KLC1: variants seen among roughly 807,000 people sequenced by gnomAD.
The protein encoded by KLC1 is kinesin light chain 1, also known as kinesin 2 60/70kDa.
A neutral mutation model predicts 84.2 loss-of-function variants in KLC1; 30 were observed. That is an observed-to-expected ratio of 0.36 (90% CI 0.27 to 0.48). KLC1 has a LOEUF of 0.48. KLC1 is among the 20% of genes least tolerant of loss of function. KLC1 has a pLI of 0.99. For synonymous variants in KLC1, 289 were observed against 293.3 expected (o/e 0.99, Z 0.15); for missense variants, 499 against 805.4 (o/e 0.62, Z 4.60).
chr14:103,642,713 C>T (rs2077583028), intron 1 of KLC1, among the ~76,000 whole-genome samples: 1 of 150,734 alleles, frequency 6.6e-6, no homozygotes, highest in Admixed American at 6.6e-5. Flanking sequence ...CTCCCATTGA[C>T]AAAAGCTGGA....
rs746409736 is a variant in KLC1 at position 103,679,521 on chromosome 14, G to C, written c.1626G>C (p.Val542=). 6.2e-7 allele frequency: 1 copy of C among 1,613,996 alleles called. No homozygotes were observed. Among genetic ancestry groups the C allele is most frequent in the Non-Finnish European group, 8.5e-7 (1 of 1,179,862 alleles). Residue 542 remains valine (V), a synonymous_variant, in exon 13 of 17, where the codon GTG becomes GTC. Transcript: ENST00000334553. ...YESGPDGGEE[V]SMSVEWNGDG... ...GTGGCCCTGACGGAGGGGAGGAAGT[G>C]AGTATGAGCGTAGAGTGGAACGGGG...
In KLC1 at chr14:103,679,543, G is replaced by A. The variant is rs772949267; in HGVS notation, c.1648G>A (p.Gly550Arg). The stretch of plus-strand genomic sequence containing the variant: ...AGTGAGTATGAGCGTAGAGTGGAAC[G>A]GGGTAAGTACAGTACACAGCGGGCA... ...EEVSMSVEWN[G>R]DGTGSLKRSG... The change falls in exon 13 of 17, where the codon GGG (glycine) becomes AGG (arginine). Residue 550 changes from glycine to arginine, a missense_variant and splice_region_variant. Physicochemically the swap from Gly to Arg is moderately radical, Grantham distance 125 (BLOSUM62 -2). Transcript: ENST00000334553. The A allele has an allele frequency of 5.0e-6, 8 of 1,612,996 alleles. No homozygotes were observed. Among genetic ancestry groups the A allele is most frequent in the South Asian group, 2.2e-5 (2 of 91,054 alleles).
At position 103,694,535 on chromosome 14, in the gene KLC1, G is replaced by A. The variant is rs1370620652; in HGVS notation, c.1848+2110G>A. On this transcript the variant is annotated intron_variant, in intron 15 of 16. Coordinates refer to ENST00000334553, the MANE Select transcript of KLC1 (RefSeq NM_001394837.1). This position sits in a 1 kb window ranked among gnomAD's most constrained non-coding sequence, Gnocchi z 4.5. The stretch of plus-strand genomic sequence containing the variant: ...GGAACCTTTTCAAATCAATGCTGAG[G>A]CTGTATTTCTTAGCCGTCCACAAAC... The A allele has an allele frequency of 2.0e-6, 2 of 985,344 alleles. No homozygotes were observed. The highest frequency in any genetic ancestry group is 1.7e-5 in the African/African-American group (1 of 57,240). 61.0% of individuals were successfully genotyped at this position (985,344 alleles called of 1,614,324 possible). A position where few individuals can be genotyped will look rare whatever the true frequency, so the allele number is the denominator to read the frequency against.
chr14:103,631,106 AGT>A (rs1187990437), intron 1 of KLC1, among the ~76,000 whole-genome samples: 1 of 149,616 alleles, frequency 6.7e-6, no homozygotes, highest in Non-Finnish European at 1.5e-5. Context: ...TTTGAGATGG[AGT>A]CTCGCTCTGT....
At chr14:103,657,446 G>C in intron 2 of KLC1, 100 bp from the exon 3 acceptor site, 4 of 798,364 alleles carry the variant, frequency 5.0e-6, no homozygotes, top group Non-Finnish European at 8.2e-6. Flanking sequence ...AAATATCTGC[G>C]AGTGTAAGCT....
At chr14:103,646,493 A>G (rs1042947762) in intron 1 of KLC1, among the ~76,000 whole-genome samples, 1 of 152,214 alleles carries the variant, frequency 6.6e-6, no homozygotes, top group African/African-American at 2.4e-5. Context: ...TTAAAATATT[A>G]TATGTATGCA....
intron 15 of KLC1, chr14:103,696,201 G>A: frequency 1.0e-6 from 1 of 983,898 alleles, no homozygotes; most frequent in Non-Finnish European, 1.2e-6. Flanking sequence ...TCTCTGGGTA[G>A]TTGGTGCAGC....
chr14:103,687,605 T>G, intron 14 of KLC1: 1 of 153,986 alleles, frequency 6.5e-6, no homozygotes, highest in Non-Finnish European at 1.4e-5. Context: ...TTTAATCTTT[T>G]AAATAAATCA....
intron 13 of KLC1, 53 bp from the exon 14 acceptor site, chr14:103,687,028 T>A: frequency 6.9e-7 from 1 of 1,454,344 alleles, no homozygotes; most frequent in East Asian, 2.6e-5. Context: ...GTGGCTCTTG[T>A]GGGAAGGAGG....
chr14:103,673,751 G>A (rs1291143613), intron 9 of KLC1, among the ~76,000 whole-genome samples: 2 of 152,004 alleles, frequency 1.3e-5, no homozygotes, highest in African/African-American at 2.4e-5. Context: ...GTGAAACCCC[G>A]TCTCTACTAA....
intron 1 of KLC1, among the ~76,000 whole-genome samples, chr14:103,631,571 A>G (rs1163641069): frequency 1.3e-5 from 2 of 152,160 alleles, no homozygotes; most frequent in Non-Finnish European, 2.9e-5. Flanking sequence ...CATTCTTTGT[A>G]GATAAGTGGA....
chr14:103,700,667 C>T lies in KLC1; in HGVS notation c.1861C>T (p.Arg621Ter), dbSNP rs757297093. 22 of 1,607,236 alleles carry T rather than the reference C, an allele frequency of 1.4e-5. No individual in the cohort carries two copies. Among genetic ancestry groups the T allele is most frequent in the African/African-American group, 5.4e-5 (4 of 74,448 alleles). ...AEDRFQGVSG[R>*]ASFCGKRQQQ... Reference sequence around the variant, plus strand: ...GCTTCATCTCCAGGGCGTCTCTGGCCGAGCCTCTTTTTGTGGAAAACGACA... The same window carrying T: ...GCTTCATCTCCAGGGCGTCTCTGGCTGAGCCTCTTTTTGTGGAAAACGACA... The change falls in exon 16 of 17, where the codon CGA becomes TGA. Residue 621 changes from arginine to a stop codon, truncating the protein, a stop_gained. Coordinates refer to ENST00000334553, the MANE Select transcript of KLC1 (RefSeq NM_001394837.1). LOFTEE classifies it high-confidence loss of function.
intron 13 of KLC1, among the ~76,000 whole-genome samples, chr14:103,681,864 T>G (rs909672135): frequency 1.3e-5 from 2 of 152,222 alleles, no homozygotes; most frequent in Admixed American, 6.5e-5. Flanking sequence ...GTTGTCTGAT[T>G]TAAATATTAA....
intron 15 of KLC1, 45 bp from the exon 16 acceptor site, chr14:103,700,610 C>T (rs776003091): frequency 2.0e-6 from 3 of 1,526,512 alleles, no homozygotes; most frequent in South Asian, 2.3e-5. Context: ...CGCCTGAGGG[C>T]CGCCTGCACG....
intron 15 of KLC1, chr14:103,695,601 T>C (rs774763609): frequency 2.2e-4 from 213 of 985,274 alleles, no homozygotes; most frequent in Non-Finnish European, 2.5e-4. Flanking sequence ...GTGACAGTTA[T>C]CTGGAAAGGA....
chr14:103,698,880 G>T, intron 15 of KLC1: 1 of 1,606,176 alleles, frequency 6.2e-7, no homozygotes, highest in Non-Finnish European at 8.5e-7. Flanking sequence ...CAGGTGGGGG[G>T]CAGAGAGCAC....
At chr14:103,659,161 A>G (rs1436901652) in intron 3 of KLC1, among the ~76,000 whole-genome samples, 1 of 148,832 alleles carries the variant, frequency 6.7e-6, no homozygotes, top group Non-Finnish European at 1.5e-5. Flanking sequence ...TATTTTAAGT[A>G]GAGATGGGGT....
chr14:103,694,129 C>G lies in KLC1; in HGVS notation c.1848+1704C>G, dbSNP rs546746021. On this transcript the variant is annotated intron_variant, in intron 15 of 16. Transcript: ENST00000334553. This position sits in a 1 kb window ranked among gnomAD's most constrained non-coding sequence, Gnocchi z 4.5. Reference sequence around the variant, plus strand: ...GAAGTGAATTCCTTCCCAGCTGGAGCATCTTCCGGGTCTCTCTTTCCAAGG... The same window carrying G: ...GAAGTGAATTCCTTCCCAGCTGGAGGATCTTCCGGGTCTCTCTTTCCAAGG... The G allele has an allele frequency of 1.0e-5, 10 of 984,736 alleles. No homozygotes were observed. The South Asian group carries it at 3.7e-4, about 37-fold the overall frequency. The allele number at this position is 984,736 out of a possible 1,614,324, so 61.0% of individuals were successfully genotyped here.
At chr14:103,635,115 A>T (rs2076953946) in intron 1 of KLC1, among the ~76,000 whole-genome samples, 1 of 152,242 alleles carries the variant, frequency 6.6e-6, no homozygotes, top group African/African-American at 2.4e-5. Context: ...TCTGAACTTA[A>T]AGCAACGGAT....
Sources: allele counts gnomAD v4.1 joint callset (sites outside exome capture counted in the v4.1 genomes callset), GRCh38; gene constraint gnomAD v4.1.1; non-coding constraint Gnocchi (gnomAD v3.1); transcripts MANE v1.5; gene names NCBI Gene and HGNC (gene_info 2026-07-23, HGNC 2026-07-21).